Variants in MLLT3 observed in about 807,000 individuals in gnomAD.
The protein encoded by MLLT3 is MLLT3 super elongation complex subunit, also known as protein AF-9.
In MLLT3, 4 loss-of-function variants were observed where a neutral mutation model predicts 53.2. The ratio of observed to expected loss-of-function variants is 0.08; its 90% CI spans 0.04 to 0.17. The LOEUF (loss-of-function observed/expected upper bound fraction) is 0.17. Among genes scored for constraint, MLLT3 ranks in the 10% least tolerant of loss-of-function variants. The probability of loss-of-function intolerance (pLI) is 1.00; values close to 1 mark genes in which losing one functional copy is unlikely to be tolerated. For missense variants in MLLT3, 569 were observed against 684.0 expected (o/e 0.83, Z 1.87); for synonymous variants, 283 against 230.6 (o/e 1.23, Z -2.06).
At chr9:20,575,429 T>C (rs1819629059) in intron 2 of MLLT3, among the ~76,000 whole-genome samples, 1 of 152,196 alleles carries the variant, frequency 6.6e-6, no homozygotes, top group Admixed American at 6.5e-5. Flanking sequence ...AAAGCATTTT[T>C]AAAATTAAAT....
chr9:20,601,637 T>C (rs895025702), intron 2 of MLLT3, among the ~76,000 whole-genome samples: 1 of 152,204 alleles, frequency 6.6e-6, no homozygotes, highest in African/African-American at 2.4e-5. Flanking sequence ...GTAGTTTCAA[T>C]GTGAGTACAA....
intron 4 of MLLT3, among the ~76,000 whole-genome samples, chr9:20,417,999 T>C (rs1449511682): frequency 6.6e-6 from 1 of 152,238 alleles, no homozygotes; most frequent in Non-Finnish European, 1.5e-5. Flanking sequence ...TGTTCTACTT[T>C]AACTGGCTTC....
chr9:20,618,092 T>A (rs1820882502), intron 2 of MLLT3, among the ~76,000 whole-genome samples: 1 of 152,308 alleles, frequency 6.6e-6, no homozygotes, highest in East Asian at 1.9e-4. Flanking sequence ...GTGATTTAGA[T>A]TGTCACTATA....
chr9:20,564,198 G>A (rs1433691795), intron 2 of MLLT3, among the ~76,000 whole-genome samples: 3 of 152,064 alleles, frequency 2.0e-5, no homozygotes, highest in East Asian at 1.9e-4. Context: ...ATCAAGACTG[G>A]CAGTTACTCA....
intron 2 of MLLT3, among the ~76,000 whole-genome samples, chr9:20,604,607 C>G (rs1820517278): frequency 6.6e-6 from 1 of 152,152 alleles, no homozygotes; most frequent in East Asian, 1.9e-4. Context: ...GCTAGCATAT[C>G]TGCAAAGTAG....
chr9:20,612,950 C>G (rs114756602), intron 2 of MLLT3, among the ~76,000 whole-genome samples: 1 of 152,128 alleles, frequency 6.6e-6, no homozygotes, highest in Non-Finnish European at 1.5e-5. Context: ...TATGTCCAAA[C>G]CCTTGTTCAT....
chr9:20,353,457 C>T (rs1054040820), intron 10 of MLLT3, 68 bp downstream of exon 10: 15 of 1,339,306 alleles, frequency 1.1e-5, no homozygotes, highest in Non-Finnish European at 1.6e-5. Flanking sequence ...CAGGTGCTAT[C>T]ACACTACTGC....
At chr9:20,518,738 A>G (rs920273464) in intron 2 of MLLT3, among the ~76,000 whole-genome samples, 6 of 152,232 alleles carry the variant, frequency 3.9e-5, no homozygotes, top group African/African-American at 1.4e-4. Context: ...AGTCCTTCTC[A>G]ATAATGTAAC....
intron 4 of MLLT3, among the ~76,000 whole-genome samples, chr9:20,442,751 TA>T (rs1266896936): frequency 2.6e-5 from 4 of 152,118 alleles, no homozygotes; most frequent in African/African-American, 9.7e-5. Context: ...CACTTGACAA[TA>T]AGCAGCATTT....
At position 20,425,686 on chromosome 9, in the gene MLLT3, T is replaced by C. The variant is rs539791367; in HGVS notation, c.421-11261A>G. ...CTACAGACGTAGCTTCTTACTAAGATTGCACTTTGAGTTATATACATTTAG... is the reference window on the plus strand; with the variant it reads ...CTACAGACGTAGCTTCTTACTAAGACTGCACTTTGAGTTATATACATTTAG... On this transcript the variant is annotated intron_variant, in intron 4 of 10. Transcript: ENST00000380338. Among the ~76,000 whole-genome samples the C allele has an allele frequency of 3.3e-5, 5 of 152,228 alleles. No individual in the cohort carries two copies. The East Asian group carries it at 9.6e-4, about 29-fold the overall frequency.
intron 2 of MLLT3, among the ~76,000 whole-genome samples, chr9:20,495,984 A>G (rs1277920372): frequency 1.3e-5 from 2 of 152,222 alleles, no homozygotes; most frequent in East Asian, 3.8e-4. Flanking sequence ...CTGGAAATTT[A>G]TAACACAGTT....
At chr9:20,393,320 AGTTTACTGGGAAACACTATAG>A (rs1469151035) in intron 5 of MLLT3, among the ~76,000 whole-genome samples, 1 of 152,162 alleles carries the variant, frequency 6.6e-6, no homozygotes, top group Non-Finnish European at 1.5e-5. Flanking sequence ...TCAATTCCAG[AGTTTACTGGGAAACACTATAG>A]GACTTACCAA....
At chr9:20,569,408 A>G (rs1247872329) in intron 2 of MLLT3, among the ~76,000 whole-genome samples, 3 of 152,138 alleles carry the variant, frequency 2.0e-5, no homozygotes, top group African/African-American at 7.2e-5. Context: ...CTTGAAATCT[A>G]GGCTCATTCC....
rs531598773 is a variant in MLLT3, at chr9:20,355,095, T to TAAAAAAAA, written c.1432-224_1432-217dup. 3.4e-4 allele frequency among the ~76,000 whole-genome samples: 22 copies of TAAAAAAAA among 64,136 alleles called. 1 individual carries two copies. The highest frequency in any genetic ancestry group is 9.8e-4 in the African/African-American group (18 of 18,298). 42.1% of individuals were successfully genotyped at this position (64,136 alleles called of 152,430 possible). Reference sequence around the variant, plus strand: ...AAATGCTGAGTCAGAAAAGTAGAACTAAAAAAAAAAAAAAAAAAAAAACAA... The same window carrying TAAAAAAAA: ...AAATGCTGAGTCAGAAAAGTAGAACTAAAAAAAAAAAAAAAAAAAAAAAAAAAAAACAA... On this transcript the variant is annotated intron_variant, in intron 8 of 10. Coordinates refer to ENST00000380338, the MANE Select transcript of MLLT3 (RefSeq NM_004529.4).
chr9:20,343,463 T>C lies in MLLT3; in HGVS notation c.*2980A>G, dbSNP rs1820790958. On this transcript the variant is annotated 3_prime_UTR_variant, in exon 11 of 11. Coordinates refer to ENST00000380338, the MANE Select transcript of MLLT3 (RefSeq NM_004529.4). ...AGAGAGAGGCAGATTATGCTGAGGA[T>C]GGTGAAGTAACTGCAAAATATTGTT... 8.9e-6 allele frequency: 2 copies of C among 224,634 alleles called. No individual in the cohort carries two copies. The highest frequency in any genetic ancestry group is 1.8e-5 in the Non-Finnish European group (2 of 112,652). 13.9% of individuals were successfully genotyped at this position (224,634 alleles called of 1,614,324 possible).
chr9:20,375,606 TTTTC>T (rs1231795477), intron 5 of MLLT3, among the ~76,000 whole-genome samples: 1,298 of 109,160 alleles, frequency 0.012, 46 homozygotes, highest in African/African-American at 0.11. Context: ...TTTTTTTTTC[TTTTC>T]TTTTTTTTTT....
intron 2 of MLLT3, among the ~76,000 whole-genome samples, chr9:20,519,099 T>C (rs1156320253): frequency 1.3e-5 from 2 of 152,220 alleles, no homozygotes; most frequent in East Asian, 1.9e-4. Context: ...TTTAGATTAC[T>C]CTTTAAATTA....
chr9:20,497,372 C>G (rs764292765), intron 2 of MLLT3, among the ~76,000 whole-genome samples: 1 of 152,150 alleles, frequency 6.6e-6, no homozygotes, highest in African/African-American at 2.4e-5. Context: ...GAAACCATCA[C>G]CATAGTCAAG....
chr9:20,394,622 G>A (rs577170083), intron 5 of MLLT3, among the ~76,000 whole-genome samples: 8 of 152,164 alleles, frequency 5.3e-5, no homozygotes, highest in Admixed American at 5.2e-4. Context: ...CTCAGAATAT[G>A]GAACTAGTTG....
Sources: gnomAD v4.1 joint callset for allele counts (sites outside exome capture counted in the v4.1 genomes callset) on GRCh38, gnomAD v4.1.1 for gene constraint, MANE v1.5 for transcripts, NCBI Gene and HGNC (gene_info 2026-07-23, HGNC 2026-07-21) for gene names.